The following PHACTR1 variants were observed in gnomAD, a reference collection of about 807,000 sequenced individuals.
PHACTR1 encodes the protein phosphatase and actin regulator 1.
A neutral mutation model predicts 69.2 loss-of-function variants in PHACTR1; 16 were observed. The ratio of observed to expected loss-of-function variants is 0.23; its 90% CI spans 0.16 to 0.35. PHACTR1 has a LOEUF of 0.35. Ranked by LOEUF, PHACTR1 falls within the 10% of genes least tolerant of loss-of-function variation. The pLI is 1.00. For synonymous variants in PHACTR1, 312 were observed against 284.5 expected (o/e 1.10, Z -0.97); for missense variants, 510 against 734.7 (o/e 0.69, Z 3.54).
At chr6:13,060,386 ATGTGTGTCTATAGGGGGTTGTG>A (rs1218787866) in intron 5 of PHACTR1, among the ~76,000 whole-genome samples, 2 of 152,152 alleles carry the variant, frequency 1.3e-5, no homozygotes, top group East Asian at 3.8e-4. Flanking sequence ...GAGGAAATCT[ATGTGTGTCTATAGGGGGTTGTG>A]TGTGTGTCTT....
At chr6:13,175,430 G>A (rs1355064350) in intron 6 of PHACTR1, among the ~76,000 whole-genome samples, 1 of 152,126 alleles carries the variant, frequency 6.6e-6, no homozygotes, top group Non-Finnish European at 1.5e-5. Flanking sequence ...AAGCTAAGTG[G>A]CTTGTTGAGA....
intron 6 of PHACTR1, among the ~76,000 whole-genome samples, chr6:13,163,128 C>G (rs570476926): frequency 7.9e-5 from 12 of 152,206 alleles, no homozygotes; most frequent in Non-Finnish European, 1.8e-4. Context: ...GCCTGTAGCC[C>G]CAGCTACTTG....
chr6:13,137,065 AC>A (rs1280248000), intron 5 of PHACTR1, among the ~76,000 whole-genome samples: 1 of 152,382 alleles, frequency 6.6e-6, no homozygotes, highest in African/African-American at 2.4e-5. Flanking sequence ...CAGAGTTGTC[AC>A]CAGCTTTCAG....
intron 4 of PHACTR1, among the ~76,000 whole-genome samples, chr6:12,917,966 CCA>C (rs1383651489): frequency 6.6e-6 from 1 of 152,128 alleles, no homozygotes; most frequent in Non-Finnish European, 1.5e-5. Context: ...CTAAAAAGAA[CCA>C]CAAAAATGCT....
At chr6:12,966,165 G>A (rs951438402) in intron 4 of PHACTR1, among the ~76,000 whole-genome samples, 2 of 152,090 alleles carry the variant, frequency 1.3e-5, no homozygotes, top group South Asian at 4.2e-4. Flanking sequence ...GAGAGTCAAG[G>A]TTGCAGGGAG....
chr6:13,263,519 T>C (rs1776212775), intron 10 of PHACTR1, among the ~76,000 whole-genome samples: 1 of 152,190 alleles, frequency 6.6e-6, no homozygotes, highest in Non-Finnish European at 1.5e-5. Flanking sequence ...GGAAACCATT[T>C]TGCTGCTCAG....
chr6:13,026,745 G>A (rs1191565442), intron 4 of PHACTR1, among the ~76,000 whole-genome samples: 1 of 151,940 alleles, frequency 6.6e-6, no homozygotes, highest in East Asian at 1.9e-4. Flanking sequence ...AGATGGCAGC[G>A]TTGTTGCTGC....
intron 4 of PHACTR1, among the ~76,000 whole-genome samples, chr6:13,002,175 T>C (rs2127625550): frequency 6.6e-6 from 1 of 152,340 alleles, no homozygotes; most frequent in South Asian, 2.1e-4. Flanking sequence ...CAGTGGCACA[T>C]TGCTCATTTG....
intron 4 of PHACTR1, among the ~76,000 whole-genome samples, chr6:12,784,141 A>C (rs1771189447): frequency 6.6e-6 from 1 of 152,054 alleles, no homozygotes; most frequent in Non-Finnish European, 1.5e-5. Flanking sequence ...GCACATATAC[A>C]TATGTATCTA....
At chr6:13,158,341 C>G (rs1758490658) in intron 5 of PHACTR1, among the ~76,000 whole-genome samples, 1 of 152,110 alleles carries the variant, frequency 6.6e-6, no homozygotes, top group African/African-American at 2.4e-5. Context: ...CTCTTGAACC[C>G]CCACACAAAC....
In PHACTR1 at chr6:13,280,984, C is replaced by CTG. The variant is rs1470132038; in HGVS notation, c.1510-2435_1510-2434dup. 20 of 1,289,446 alleles carry CTG rather than the reference C, an allele frequency of 1.6e-5. No homozygotes were observed. In the East Asian group the frequency reaches 1.0e-3, roughly 64 times the overall value. The allele number at this position is 1,289,446 out of a possible 1,614,324, so 79.9% of individuals were successfully genotyped here. A position where few individuals can be genotyped will look rare whatever the true frequency, so the allele number is the denominator to read the frequency against. On this transcript the variant is annotated intron_variant, in intron 12 of 14. Coordinates refer to ENST00000332995, the MANE Select transcript of PHACTR1 (RefSeq NM_030948.6). ...GTTAGTGCTGGGGTCCGTGCACCAA[C>CTG]TGTGACTCTGAGAGGCAGCAGCCAG...
At chr6:13,169,623 G>C (rs926739173) in intron 6 of PHACTR1, among the ~76,000 whole-genome samples, 8 of 152,182 alleles carry the variant, frequency 5.3e-5, no homozygotes, top group African/African-American at 1.7e-4. Flanking sequence ...ACAAGAGACT[G>C]TTGCTCAGCT....
chr6:13,218,331 G>A (rs1305449047), intron 8 of PHACTR1, among the ~76,000 whole-genome samples: 4 of 152,164 alleles, frequency 2.6e-5, no homozygotes, highest in African/African-American at 7.2e-5. Flanking sequence ...AGCCTGTACC[G>A]TGGAATGGAG....
chr6:13,134,795 TAAAAAAAAAAA>T (rs35318262), intron 5 of PHACTR1, among the ~76,000 whole-genome samples: 12 of 111,342 alleles, frequency 1.1e-4, no homozygotes, highest in Non-Finnish European at 1.2e-4. Flanking sequence ...CAATAAATAC[TAAAAAAAAAAA>T]AAAAAAAAAA....
At chr6:13,284,578 G>GTATATA (rs10611107) in intron 13 of PHACTR1, among the ~76,000 whole-genome samples, 30 of 97,808 alleles carry the variant, frequency 3.1e-4, no homozygotes, top group East Asian at 1.4e-3. Flanking sequence ...ATAGATACAC[G>GTATATA]TATATATATA....
intron 4 of PHACTR1, among the ~76,000 whole-genome samples, chr6:12,808,299 AT>A (rs1774587611): frequency 6.6e-6 from 1 of 152,190 alleles, no homozygotes; most frequent in Non-Finnish European, 1.5e-5. Context: ...AAAAGTATAT[AT>A]TTTAACTTTT....
intron 10 of PHACTR1, among the ~76,000 whole-genome samples, chr6:13,250,928 T>C (rs1774301742): frequency 6.6e-6 from 1 of 152,214 alleles, no homozygotes; most frequent in African/African-American, 2.4e-5. Context: ...GGGATGTGTG[T>C]AACACTGTGG....
chr6:12,847,766 TG>T (rs1257339352), intron 4 of PHACTR1, among the ~76,000 whole-genome samples: 1 of 152,170 alleles, frequency 6.6e-6, no homozygotes, highest in African/African-American at 2.4e-5. Flanking sequence ...TTCAAGATGC[TG>T]TGTTTCCAAA....
chr6:13,118,786 T>C (rs1818205835), intron 5 of PHACTR1, among the ~76,000 whole-genome samples: 1 of 152,158 alleles, frequency 6.6e-6, no homozygotes, highest in African/African-American at 2.4e-5. Context: ...CAGGGCCCTT[T>C]CTAAGAAGGG....
Sources: gnomAD v4.1 joint callset for allele counts (sites outside exome capture counted in the v4.1 genomes callset) on GRCh38, gnomAD v4.1.1 for gene constraint, MANE v1.5 for transcripts, NCBI Gene and HGNC (gene_info 2026-07-23, HGNC 2026-07-21) for gene names.